The following ROBO2 variants were observed in gnomAD, a reference collection of about 807,000 sequenced individuals.
The protein encoded by ROBO2 is roundabout guidance receptor 2, also known as roundabout homolog 2.
In ROBO2, 53 loss-of-function variants were observed where a neutral mutation model predicts 160.8. The observed-to-expected ratio is 0.33, with a 90% confidence interval of 0.26 to 0.41. ROBO2 has a LOEUF of 0.41. ROBO2 is among the 10% of genes least tolerant of loss of function. The pLI, the probability that ROBO2 is intolerant of heterozygous loss-of-function variation, is 1.00. For missense variants in ROBO2, 1,577 were observed against 1,722.4 expected, an observed-to-expected ratio of 0.92 and a Z score of 1.49; for synonymous variants, 664 against 611.7, an observed-to-expected ratio of 1.09 and a Z score of -1.26.
intron 2 of ROBO2, among the ~76,000 whole-genome samples, chr3:77,383,976 C>T (rs999225728): frequency 6.6e-6 from 1 of 152,076 alleles, no homozygotes; most frequent in Non-Finnish European, 1.5e-5. Flanking sequence ...TGAGTTCTAT[C>T]AAACATTGGA....
intron 2 of ROBO2, among the ~76,000 whole-genome samples, chr3:76,367,038 T>C (rs1335224956): frequency 1.3e-5 from 2 of 152,020 alleles, no homozygotes; most frequent in Admixed American, 1.3e-4. Context: ...CATAAGCAAT[T>C]TTATATGAAT....
At position 77,104,679 on chromosome 3, in the gene ROBO2, A is replaced by C. The variant is rs186053350; in HGVS notation, c.388+6339A>C. Reference sequence around the variant, plus strand: ...ATTATTATTAAGTGTAGATTAAATGATATTTACTGGTGCATTGAAGTAACT... The same window carrying C: ...ATTATTATTAAGTGTAGATTAAATGCTATTTACTGGTGCATTGAAGTAACT... On this transcript the variant is annotated intron_variant, in intron 2 of 25. Coordinates refer to ENST00000461745, the Ensembl canonical transcript of ROBO2. Among the ~76,000 whole-genome samples the C allele has an allele frequency of 2.0e-4, 31 of 152,088 alleles. No homozygotes were observed. In the East Asian group the frequency reaches 6.0e-3, roughly 29 times the overall value.
chr3:77,073,221 C>A (rs1476110932), intron 1 of ROBO2, among the ~76,000 whole-genome samples: 1 of 152,126 alleles, frequency 6.6e-6, no homozygotes, highest in Non-Finnish European at 1.5e-5. Flanking sequence ...TAGTCTTTAA[C>A]AGGTTGAATG....
intron 2 of ROBO2, among the ~76,000 whole-genome samples, chr3:76,396,650 A>G (rs971687758): frequency 3.3e-5 from 5 of 152,318 alleles, no homozygotes; most frequent in African/African-American, 7.2e-5. Context: ...TCAATGTACA[A>G]AAATCACAAG....
intron 8 of ROBO2, among the ~76,000 whole-genome samples, chr3:77,553,802 G>C (rs1401687575): frequency 6.6e-6 from 1 of 151,832 alleles, no homozygotes; most frequent in African/African-American, 2.4e-5. Context: ...AAGCTACCAG[G>C]GGTTGGTTGA....
intron 2 of ROBO2, among the ~76,000 whole-genome samples, chr3:76,896,978 G>C (rs994940589): frequency 3.9e-5 from 6 of 152,108 alleles, no homozygotes; most frequent in African/African-American, 1.4e-4. Flanking sequence ...CACATTTAGG[G>C]CTTATTCCAC....
Position 75,964,237 on chromosome 3 carries a change from C to G in ROBO2, c.109+26635C>G, listed in dbSNP as rs541876889. Among the ~76,000 whole-genome samples, 122 of 151,778 alleles carry G rather than the reference C, an allele frequency of 8.0e-4. 1 individual carries two copies. Among genetic ancestry groups the G allele is most frequent in the Non-Finnish European group, 1.6e-3 (111 of 67,820 alleles). The stretch of plus-strand genomic sequence containing the variant: ...GACAGTATGATAATTTTTTACATTT[C>G]AAATTCTCTGCCTGCATTAGAATAT... On this transcript the variant is annotated intron_variant, in intron 2 of 26. Coordinates refer to the ROBO2 transcript ENST00000487694.
chr3:77,408,835 C>G (rs1462891969), intron 2 of ROBO2, among the ~76,000 whole-genome samples: 1 of 152,012 alleles, frequency 6.6e-6, no homozygotes, highest in African/African-American at 2.4e-5. Context: ...AGGGATCTTC[C>G]TGCCTCAGCC....
chr3:76,141,159 C>CTCTCTATATA (rs1364431015), intron 2 of ROBO2, among the ~76,000 whole-genome samples: 5 of 9,174 alleles, frequency 5.5e-4, no homozygotes, highest in African/African-American at 8.6e-4. Flanking sequence ...CTCTCTCTCT[C>CTCTCTATATA]TATATATATA....
chr3:76,596,103 A>G (rs900353743), intron 2 of ROBO2, among the ~76,000 whole-genome samples: 3 of 152,124 alleles, frequency 2.0e-5, no homozygotes, highest in Non-Finnish European at 4.4e-5. Context: ...AAAAAAAGAA[A>G]GCAATAAAGC....
chr3:76,736,044 G>A (rs1389457772), intron 2 of ROBO2, among the ~76,000 whole-genome samples: 2 of 151,758 alleles, frequency 1.3e-5, no homozygotes, highest in Admixed American at 6.6e-5. Context: ...AGCACTTTGG[G>A]AGGCCGAGGC....
At chr3:76,854,021 T>TCC (rs1491086829) in intron 2 of ROBO2, among the ~76,000 whole-genome samples, 2 of 3,260 alleles carry the variant, frequency 6.1e-4, no homozygotes, top group Admixed American at 2.4e-3. Context: ...ATAGACTTTC[T>TCC]CTCTCTCTCT....
At chr3:77,403,410 C>T (rs1479253054) in intron 2 of ROBO2, among the ~76,000 whole-genome samples, 2 of 152,114 alleles carry the variant, frequency 1.3e-5, no homozygotes, top group African/African-American at 4.8e-5. Flanking sequence ...CTACTCTCTG[C>T]ATCTATGACT....
chr3:76,710,161 G>C (rs1003056088), intron 2 of ROBO2, among the ~76,000 whole-genome samples: 1 of 150,486 alleles, frequency 6.6e-6, no homozygotes, highest in Admixed American at 6.7e-5. Context: ...ACTCTGTCGC[G>C]CCAAGCTGGA....
chr3:76,597,080 C>A (rs2086781722), intron 2 of ROBO2, among the ~76,000 whole-genome samples: 1 of 151,912 alleles, frequency 6.6e-6, no homozygotes, highest in African/African-American at 2.4e-5. Flanking sequence ...AAAATGAATC[C>A]AACATAAACC....
At chr3:76,046,518 A>G (rs533615692) in intron 2 of ROBO2, among the ~76,000 whole-genome samples, 4,198 of 151,880 alleles carry the variant, frequency 0.028, 269 homozygotes, top group African/African-American at 0.096. Context: ...GCGTGGTGGC[A>G]GCGCCTGCAG....
intron 2 of ROBO2, among the ~76,000 whole-genome samples, chr3:76,655,553 A>G (rs2109964395): frequency 6.8e-6 from 1 of 147,312 alleles, no homozygotes; most frequent in Middle Eastern, 3.6e-3. Flanking sequence ...GGGTACAGAG[A>G]GAGCACAGAG....
At chr3:77,180,416 C>CTCTCTCTCTCTCTCTCTATATA (rs1433740534) in intron 2 of ROBO2, among the ~76,000 whole-genome samples, 38 of 90,710 alleles carry the variant, frequency 4.2e-4, no homozygotes, top group Non-Finnish European at 5.9e-4. Context: ...CTCTCTCTCT[C>CTCTCTCTCTCTCTCTCTATATA]TATATATATA....
rs770655033 is a variant in ROBO2 at position 76,742,732 on chromosome 3, A to AT, written c.110-355275dup. On this transcript the variant is annotated intron_variant, in intron 2 of 26. Coordinates refer to the ROBO2 transcript ENST00000487694. ...GGATAAATAAGGACTTAACACCAGC[A>AT]TTTTTTTATTTGCTTTGGTTCACAA... Among the ~76,000 whole-genome samples, 6 of 152,102 alleles carry AT rather than the reference A, an allele frequency of 3.9e-5. No homozygotes were observed. The East Asian group carries it at 9.7e-4, about 25-fold the overall frequency.
Sources: allele counts gnomAD v4.1 joint callset (sites outside exome capture counted in the v4.1 genomes callset), GRCh38; gene constraint gnomAD v4.1.1; transcripts MANE v1.5; gene names NCBI Gene and HGNC (gene_info 2026-07-23, HGNC 2026-07-21).